The following AUTS2 variants were observed in gnomAD, a reference collection of about 807,000 sequenced individuals.
AUTS2 encodes activator of transcription and developmental regulator AUTS2.
A neutral mutation model predicts 112.4 loss-of-function variants in AUTS2; 17 were observed. The ratio of observed to expected loss-of-function variants is 0.15; its 90% CI spans 0.10 to 0.23. The LOEUF (loss-of-function observed/expected upper bound fraction) is 0.23, where lower values mean the gene tolerates loss of function less well. Ranked by LOEUF, AUTS2 falls within the 10% of genes least tolerant of loss-of-function variation. AUTS2 has a pLI of 1.00. For synonymous variants in AUTS2, 751 were observed against 702.7 expected (o/e 1.07, Z -1.09); for missense variants, 1,510 against 1,701.6 (o/e 0.89, Z 1.98).
chr7:70,539,816 G>A (rs976285810), intron 5 of AUTS2, among the ~76,000 whole-genome samples: 1 of 152,074 alleles, frequency 6.6e-6, no homozygotes, highest in Admixed American at 6.5e-5. Flanking sequence ...TGCTGTGCGG[G>A]AAGAAAGCAC....
chr7:70,008,021 A>G (rs888794624), intron 2 of AUTS2, among the ~76,000 whole-genome samples: 18 of 152,080 alleles, frequency 1.2e-4, no homozygotes, highest in African/African-American at 4.3e-4. Flanking sequence ...TATTTAATCT[A>G]TAAATTGTTT....
rs138040122 is a variant in AUTS2 at position 70,427,613 on chromosome 7, T to G, written c.661-8139T>G. On this transcript the variant is annotated intron_variant, in intron 4 of 18. Transcript: ENST00000342771. The stretch of plus-strand genomic sequence containing the variant: ...AGGAAAAAAAATATTAGAATTTAAT[T>G]TATGAGCTTTAAAACTTCAAGTTTG... 1.3e-3 allele frequency among the ~76,000 whole-genome samples: 193 copies of G among 152,360 alleles called. 2 individuals carry two copies. Among genetic ancestry groups the G allele is most frequent in the African/African-American group, 4.4e-3 (185 of 41,582 alleles).
At chr7:70,650,899 A>T (rs369072982) in intron 5 of AUTS2, among the ~76,000 whole-genome samples, 2 of 152,336 alleles carry the variant, frequency 1.3e-5, no homozygotes, top group South Asian at 4.1e-4. Context: ...TGATGACCAG[A>T]GTTCAAATCA....
At chr7:70,563,276 T>C (rs548827300) in intron 5 of AUTS2, among the ~76,000 whole-genome samples, 1 of 152,186 alleles carries the variant, frequency 6.6e-6, no homozygotes. Context: ...TCTGAAAGTA[T>C]GAAAAATTAA....
intron 4 of AUTS2, among the ~76,000 whole-genome samples, chr7:70,348,469 C>A (rs1791595986): frequency 6.6e-6 from 1 of 152,140 alleles, no homozygotes; most frequent in South Asian, 2.1e-4. Context: ...CCCCCATCAC[C>A]AGTTTCTCAC....
chr7:69,966,172 T>C (rs2129547451), intron 2 of AUTS2, among the ~76,000 whole-genome samples: 1 of 152,316 alleles, frequency 6.6e-6, no homozygotes, highest in South Asian at 2.1e-4. Context: ...TTCAGACACC[T>C]TGGCTCAGGA....
chr7:70,558,681 A>G (rs1395470387), intron 5 of AUTS2, among the ~76,000 whole-genome samples: 1 of 152,232 alleles, frequency 6.6e-6, no homozygotes. Flanking sequence ...ATAGCATCAA[A>G]TATGTGAGGT....
At chr7:70,477,433 TC>T (rs1797624479) in intron 5 of AUTS2, among the ~76,000 whole-genome samples, 1 of 152,130 alleles carries the variant, frequency 6.6e-6, no homozygotes, top group African/African-American at 2.4e-5. Context: ...TTTTCCAGAC[TC>T]CCTCCGTTAC....
chr7:70,681,637 C>T (rs1240473546), intron 5 of AUTS2, among the ~76,000 whole-genome samples: 1 of 152,012 alleles, frequency 6.6e-6, no homozygotes, highest in Non-Finnish European at 1.5e-5. Context: ...CTTTGCTTTT[C>T]CAGAATTAAA....
At chr7:70,254,698 T>C (rs1458313405) in intron 4 of AUTS2, among the ~76,000 whole-genome samples, 1 of 152,220 alleles carries the variant, frequency 6.6e-6, no homozygotes, top group Non-Finnish European at 1.5e-5. Flanking sequence ...TTTTGTAGTT[T>C]GTAATCTCCT....
At chr7:70,765,033 C>T in intron 8 of AUTS2, 28 bp downstream of exon 8, 4 of 1,611,894 alleles carry the variant, frequency 2.5e-6, no homozygotes, top group Non-Finnish European at 3.4e-6. Context: ...GTGCTCGTGA[C>T]CCCGACCCCC....
chr7:70,693,447 G>C (rs1808861867), intron 5 of AUTS2, among the ~76,000 whole-genome samples: 1 of 152,234 alleles, frequency 6.6e-6, no homozygotes, highest in Admixed American at 6.5e-5. Flanking sequence ...AGGGTGTGAG[G>C]AGCTGGGAGG....
rs187720601 is a variant in AUTS2 at position 70,079,765 on chromosome 7, A to T, written c.523-38367A>T. 3.3e-3 allele frequency among the ~76,000 whole-genome samples: 495 copies of T among 152,234 alleles called. 1 individual carries two copies. The highest frequency in any genetic ancestry group is 5.0e-3 in the Non-Finnish European group (343 of 68,014). On this transcript the variant is annotated intron_variant, in intron 2 of 18. Coordinates refer to ENST00000342771, the MANE Select transcript of AUTS2 (RefSeq NM_015570.4). ...TACACCACAGAAATTGGTAAACAGG[A>T]TGTCTTATTCTGTTTTGTTCTGCTG...
At chr7:70,356,427 T>C (rs1332105769) in intron 4 of AUTS2, among the ~76,000 whole-genome samples, 1 of 152,242 alleles carries the variant, frequency 6.6e-6, no homozygotes, top group Non-Finnish European at 1.5e-5. Flanking sequence ...TGGCATAACT[T>C]GCTTGTCAGC....
intron 1 of AUTS2, among the ~76,000 whole-genome samples, chr7:69,658,908 G>GTGA (rs1233101914): frequency 6.6e-6 from 1 of 152,194 alleles, no homozygotes; most frequent in Non-Finnish European, 1.5e-5. Context: ...AAATTGTTTA[G>GTGA]TGAATTAAAT....
At chr7:70,691,093 C>T (rs887873188) in intron 5 of AUTS2, among the ~76,000 whole-genome samples, 10 of 152,284 alleles carry the variant, frequency 6.6e-5, no homozygotes, top group Middle Eastern at 3.4e-3. Context: ...CATATTTTAA[C>T]GTAGCTTTAC....
At chr7:70,018,041 G>T (rs1194411164) in intron 2 of AUTS2, among the ~76,000 whole-genome samples, 3 of 151,980 alleles carry the variant, frequency 2.0e-5, no homozygotes, top group African/African-American at 4.8e-5. Flanking sequence ...GGTCATTTCA[G>T]TTCTTTGGTT....
chr7:70,479,637 GA>G (rs11317602), intron 5 of AUTS2, among the ~76,000 whole-genome samples: 84,190 of 150,260 alleles, frequency 0.56, 24,453 homozygotes, highest in African/African-American at 0.73. Context: ...TGTAGTACCT[GA>G]AAAAAAAAAA....
chr7:70,770,570 T>C (rs1332816039), intron 10 of AUTS2, among the ~76,000 whole-genome samples: 1 of 152,248 alleles, frequency 6.6e-6, no homozygotes, highest in Non-Finnish European at 1.5e-5. Context: ...AAGTTGTGTT[T>C]GCATTGTCTT....
Sources: allele counts gnomAD v4.1 joint callset (sites outside exome capture counted in the v4.1 genomes callset), GRCh38; gene constraint gnomAD v4.1.1; transcripts MANE v1.5; gene names NCBI Gene and HGNC (gene_info 2026-07-23, HGNC 2026-07-21).